SH3KBP1: variants seen among roughly 807,000 people sequenced by gnomAD.
SH3KBP1 encodes SH3 domain containing kinase binding protein 1.
A neutral mutation model predicts 50.1 loss-of-function variants in SH3KBP1; 8 were observed. The observed-to-expected ratio is 0.16, with a 90% CI of 0.09 to 0.29. The LOEUF (loss-of-function observed/expected upper bound fraction) is 0.29. Among genes scored for constraint, SH3KBP1 ranks in the 10% least tolerant of loss-of-function variants. SH3KBP1 has a pLI of 1.00. For synonymous variants in SH3KBP1, 227 were observed against 218.6 expected (o/e 1.04, Z -0.34); for missense variants, 377 against 535.2 (o/e 0.70, Z 2.92).
At chrX:19,851,740 T>C (rs2068515056) in intron 1 of SH3KBP1, among the ~76,000 whole-genome samples, 1 of 111,640 alleles carries the variant, frequency 9.0e-6, no homozygotes, top group Non-Finnish European at 1.9e-5. Context: ...TCTCACTATG[T>C]TGCCCAGGCT....
chrX:19,706,760 G>A (rs1024821173), intron 4 of SH3KBP1, 121 bp downstream of exon 4: 3 of 512,522 alleles, frequency 5.9e-6, no homozygotes, highest in Non-Finnish European at 9.9e-6. Flanking sequence ...CTCAACTAGA[G>A]GATCCCTAAC....
intron 2 of SH3KBP1, among the ~76,000 whole-genome samples, chrX:19,765,827 T>A (rs1036679536): frequency 1.8e-5 from 2 of 112,195 alleles, no homozygotes; most frequent in Admixed American, 9.4e-5. Context: ...CTTTTGTGAC[T>A]GGCTTCTGTC....
chrX:19,632,810 A>G (rs933254477), intron 7 of SH3KBP1, among the ~76,000 whole-genome samples: 3 of 112,678 alleles, frequency 2.7e-5, no homozygotes, highest in African/African-American at 9.7e-5. Context: ...TTGGAAAACT[A>G]GGCCTTGATG....
At chrX:19,542,224 GGCCGGGGATTTGTGT>G in intron 15 of SH3KBP1, 31 bp from the exon 16 acceptor site, 2 of 1,140,174 alleles carry the variant, frequency 1.8e-6, no homozygotes, top group Non-Finnish European at 2.3e-6. Flanking sequence ...GAGGGTTCAG[GGCCGGGGATTTGTGT>G]GCTGCGTCTT....
chrX:19,760,041 C>CTCT lies in SH3KBP1; in HGVS notation c.163-13601_163-13600insAGA, dbSNP rs1472663912. On this transcript the variant is annotated intron_variant, in intron 2 of 17. Coordinates refer to ENST00000397821, the MANE Select transcript of SH3KBP1 (RefSeq NM_031892.3). ...TCTCTCTCCTCTCTCTCTCTCTCTCCCTCTCTCTCTCTCTCTCTCTCTCTC... is the reference window on the plus strand; with the variant it reads ...TCTCTCTCCTCTCTCTCTCTCTCTCCTCTCTCTCTCTCTCTCTCTCTCTCTCTC... 1.2e-3 allele frequency among the ~76,000 whole-genome samples: 59 copies of CTCT among 50,450 alleles called. 3 individuals are homozygous for CTCT. The highest frequency in any genetic ancestry group is 4.4e-3 in the African/African-American group (47 of 10,755). The allele number at this position is 50,450 out of a possible 115,157, so 43.8% of individuals were successfully genotyped here. A position where few individuals can be genotyped will look rare whatever the true frequency, so the allele number is the denominator to read the frequency against.
intron 1 of SH3KBP1, among the ~76,000 whole-genome samples, chrX:19,880,107 G>C (rs1236878164): frequency 1.8e-5 from 2 of 112,969 alleles, no homozygotes; most frequent in East Asian, 5.5e-4. Flanking sequence ...ATTGCCCCCA[G>C]TTCAGAACCA....
intron 7 of SH3KBP1, among the ~76,000 whole-genome samples, chrX:19,633,635 C>G (rs1383364525): frequency 8.9e-6 from 1 of 112,107 alleles, no homozygotes; most frequent in African/African-American, 3.2e-5. Context: ...AGAGTCCTGG[C>G]TTTAAGAATA....
At chrX:19,841,590 A>G (rs759856625) in intron 1 of SH3KBP1, among the ~76,000 whole-genome samples, 1 of 112,065 alleles carries the variant, frequency 8.9e-6, no homozygotes, top group Admixed American at 9.5e-5. Context: ...AGTCCTCTGA[A>G]GGGCATAGAA....
chrX:19,844,329 T>C (rs1009405633), intron 1 of SH3KBP1, among the ~76,000 whole-genome samples: 20 of 111,721 alleles, frequency 1.8e-4, no homozygotes, highest in Non-Finnish European at 9.4e-5. Context: ...GAGTGCACCA[T>C]ACGACACCAG....
intron 6 of SH3KBP1, among the ~76,000 whole-genome samples, chrX:19,681,479 C>G (rs1443948157): frequency 8.9e-6 from 1 of 112,382 alleles, no homozygotes; most frequent in East Asian, 2.8e-4. Context: ...GTTCTAAGCA[C>G]ATAGAATAGA....
At chrX:19,693,745 G>A (rs1461325828) in intron 5 of SH3KBP1, among the ~76,000 whole-genome samples, 1 of 111,852 alleles carries the variant, frequency 8.9e-6, no homozygotes, top group Non-Finnish European at 1.9e-5. Context: ...GTCAGACAGG[G>A]TGAACTGTCC....
chrX:19,853,397 A>T (rs1287242777), intron 1 of SH3KBP1, among the ~76,000 whole-genome samples: 1 of 111,010 alleles, frequency 9.0e-6, no homozygotes. Flanking sequence ...AGCAGGATAC[A>T]GGCTTGGAGG....
chrX:19,685,864 T>A (rs2063152721), intron 5 of SH3KBP1, among the ~76,000 whole-genome samples: 1 of 111,482 alleles, frequency 9.0e-6, no homozygotes, highest in Non-Finnish European at 1.9e-5. Flanking sequence ...GCTCCCCTCA[T>A]CACCACCAGA....
intron 14 of SH3KBP1, among the ~76,000 whole-genome samples, chrX:19,546,679 A>G (rs1042234502): frequency 8.9e-6 from 1 of 112,193 alleles, no homozygotes; most frequent in African/African-American, 3.2e-5. Flanking sequence ...TAGTGCAACA[A>G]GCTCATATCT....
intron 6 of SH3KBP1, chrX:19,670,839 C>CAAAAAAAAGA: frequency 1.0e-6 from 1 of 991,861 alleles, no homozygotes; most frequent in Non-Finnish European, 1.3e-6. Context: ...ACTCTAAAAG[C>CAAAAAAAAGA]AAAAAAAAAA....
At chrX:19,603,229 G>C (rs901859574) in intron 9 of SH3KBP1, among the ~76,000 whole-genome samples, 7 of 112,286 alleles carry the variant, frequency 6.2e-5, no homozygotes, top group African/African-American at 2.3e-4. Flanking sequence ...ATACCTGCCA[G>C]ACCCTTGGTA....
rs1018252279 is a variant in SH3KBP1 at position 19,587,713 on chromosome X, T to C, written c.1298+930A>G. 7.2e-5 allele frequency among the ~76,000 whole-genome samples: 8 copies of C among 111,771 alleles called. No homozygotes were observed. In the South Asian group the frequency reaches 2.3e-3, roughly 31 times the overall value. On this transcript the variant is annotated intron_variant, in intron 12 of 17. Coordinates refer to ENST00000397821, the MANE Select transcript of SH3KBP1 (RefSeq NM_031892.3). ...AGTAGCCAAGCTCCTACTCCTCCCA[T>C]GAATGAGGTGGGCTGAGATTCCAGC...
chrX:19,590,085 G>T (rs998040517), intron 11 of SH3KBP1, among the ~76,000 whole-genome samples: 2 of 110,888 alleles, frequency 1.8e-5, no homozygotes, highest in African/African-American at 6.6e-5. Flanking sequence ...CCCCAGGCTG[G>T]GTGACAGAGC....
chrX:19,627,481 T>G (rs1182330761), intron 8 of SH3KBP1, among the ~76,000 whole-genome samples: 1 of 112,376 alleles, frequency 8.9e-6, no homozygotes, highest in Non-Finnish European at 1.9e-5. Context: ...ACACGGGAGT[T>G]ATTTTTGAGT....
Sources: gnomAD v4.1 joint callset for allele counts (sites outside exome capture counted in the v4.1 genomes callset) on GRCh38, gnomAD v4.1.1 for gene constraint, MANE v1.5 for transcripts, NCBI Gene and HGNC (gene_info 2026-07-23, HGNC 2026-07-21) for gene names.